ARHGAP28: variants seen among roughly 807,000 people sequenced by gnomAD.
ARHGAP28 encodes rho GTPase-activating protein 28.
In ARHGAP28, 56 loss-of-function variants were observed where a neutral mutation model predicts 90.7. The ratio of observed to expected loss-of-function variants is 0.62; its 90% CI spans 0.50 to 0.77. ARHGAP28 has a LOEUF of 0.77. Ranked by LOEUF, ARHGAP28 falls within the 30% of genes least tolerant of loss-of-function variation. The probability of loss-of-function intolerance (pLI) is 0.00; values close to 1 mark genes in which losing one functional copy is unlikely to be tolerated. For synonymous variants in ARHGAP28, 308 were observed against 323.3 expected (o/e 0.95, Z 0.51); for missense variants, 869 against 900.9 (o/e 0.96, Z 0.45).
chr18:6,885,149 G>A (rs1034366492), intron 11 of ARHGAP28, among the ~76,000 whole-genome samples: 1 of 152,174 alleles, frequency 6.6e-6, no homozygotes, highest in Non-Finnish European at 1.5e-5. Context: ...ACTGAAGGGA[G>A]AGGTTCTGAG....
In ARHGAP28 at chr18:6,851,115, A is replaced by G. The variant is rs1323004649; in HGVS notation, c.625A>G (p.Ser209Gly). The change falls in exon 4 of 18, where the codon AGT becomes GGT. Residue 209 changes from serine to glycine, a missense_variant. Physicochemically the swap from Ser to Gly is moderately conservative, Grantham distance 56. Transcript: ENST00000383472. Reference sequence around the variant, plus strand: ...AGAGCTTCCAAGAGTTATCAAGACAAGTGGTTCCATGGTAAGTTATAGTTG... The same window carrying G: ...AGAGCTTCCAAGAGTTATCAAGACAGGTGGTTCCATGGTAAGTTATAGTTG... ...ERELPRVIKT[S>G]GSMPDDASLN... is the part of the protein sequence containing the mutation. 4 of 1,614,078 alleles carry G rather than the reference A, an allele frequency of 2.5e-6. No homozygotes were observed. The East Asian group carries it at 6.7e-5, about 27-fold the overall frequency.
intron 1 of ARHGAP28, chr18:6,730,217 A>ATT: frequency 1.6e-5 from 2 of 123,820 alleles, no homozygotes; most frequent in Non-Finnish European, 3.1e-5. Context: ...AGGATAAGTC[A>ATT]TGTGTATATA....
intron 1 of ARHGAP28, among the ~76,000 whole-genome samples, chr18:6,806,496 G>A: frequency 6.6e-6 from 1 of 151,872 alleles, no homozygotes; most frequent in East Asian, 1.9e-4. Context: ...AGAGAATAGT[G>A]ATATAGTCAA....
At position 6,803,237 on chromosome 18, in the gene ARHGAP28, T is replaced by C. The variant is rs993295483; in HGVS notation, c.123-21525T>C. Among the ~76,000 whole-genome samples, 70 of 152,312 alleles carry C rather than the reference T, an allele frequency of 4.6e-4. 1 individual carries two copies. Among genetic ancestry groups the C allele is most frequent in the African/African-American group, 1.3e-3 (52 of 41,578 alleles). On this transcript the variant is annotated intron_variant, in intron 1 of 17. Coordinates refer to ENST00000383472, the MANE Select transcript of ARHGAP28 (RefSeq NM_001366230.1). ...TACTGTTTTTCCTAGATTCCCTTTA[T>C]AGGTTGAGGTAGTACCCTTCTATTC...
chr18:6,915,495 C>T lies in ARHGAP28; in HGVS notation c.*3341C>T, dbSNP rs2057417809. ...TTCAAGCATTTTTAACAGTTTTACA[C>T]ACTTACATACACCTTAATTAAAAAT... On this transcript the variant is annotated 3_prime_UTR_variant, in exon 18 of 18. Transcript: ENST00000383472. 1.3e-5 allele frequency: 2 copies of T among 149,790 alleles called. No individual in the cohort carries two copies. Among genetic ancestry groups the T allele is most frequent in the African/African-American group, 4.9e-5 (2 of 40,528 alleles). 9.3% of individuals were successfully genotyped at this position (149,790 alleles called of 1,614,324 possible). A position where few individuals can be genotyped will look rare whatever the true frequency, so the allele number is the denominator to read the frequency against.
rs544089762 is a variant in ARHGAP28 at position 6,834,162 on chromosome 18, T to G, written c.326-3035T>G. Among the ~76,000 whole-genome samples, 163 of 150,230 alleles carry G rather than the reference T, an allele frequency of 1.1e-3. 1 individual carries two copies. Among genetic ancestry groups the G allele is most frequent in the African/African-American group, 3.5e-3 (145 of 41,018 alleles). ...TGGAAGGTGTTGGTGTTAGAGTGAT[T>G]AAAAAAAAAGCAGAATTTTTTTTCT... On this transcript the variant is annotated intron_variant, in intron 2 of 17. Transcript: ENST00000383472.
chr18:6,814,214 A>C (rs2056575494), intron 1 of ARHGAP28, among the ~76,000 whole-genome samples: 1 of 152,134 alleles, frequency 6.6e-6, no homozygotes, highest in African/African-American at 2.4e-5. Flanking sequence ...TTTGTACGGA[A>C]TAGTTTGAAG....
At chr18:6,878,239 G>A (rs1004642278) in intron 10 of ARHGAP28, among the ~76,000 whole-genome samples, 4 of 150,258 alleles carry the variant, frequency 2.7e-5, no homozygotes, top group Admixed American at 1.3e-4. Flanking sequence ...GCAAACTATC[G>A]CAAGGACAAA....
intron 3 of ARHGAP28, among the ~76,000 whole-genome samples, chr18:6,841,224 C>CT (rs2056824396): frequency 8.9e-6 from 1 of 112,506 alleles, no homozygotes; most frequent in Admixed American, 9.8e-5. Context: ...TCTCTCTCTC[C>CT]CCCCAACCCG....
rs536385427 is a variant in ARHGAP28 at position 6,882,393 on chromosome 18, A to G, written c.1453+94A>G. 4 of 1,278,608 alleles carry G rather than the reference A, an allele frequency of 3.1e-6. No individual in the cohort carries two copies. In the African/African-American group the frequency reaches 6.0e-5, roughly 19 times the overall value. The allele number at this position is 1,278,608 out of a possible 1,614,324, so 79.2% of individuals were successfully genotyped here. A position where few individuals can be genotyped will look rare whatever the true frequency, so the allele number is the denominator to read the frequency against. ...TGCTGAATCAAATGTGCTCATGTAT[A>G]GATTTGCTGTGTCCTGACAGTGCTT... On this transcript the variant is annotated intron_variant, in intron 11 of 17. Transcript: ENST00000383472.
chr18:6,817,376 C>G (rs998843571), intron 1 of ARHGAP28, among the ~76,000 whole-genome samples: 3 of 151,966 alleles, frequency 2.0e-5, no homozygotes, highest in Middle Eastern at 3.2e-3. Flanking sequence ...TTGTTAGATG[C>G]CACCCACCTT....
chr18:6,832,050 G>C (rs777223819), intron 2 of ARHGAP28, among the ~76,000 whole-genome samples: 21 of 151,962 alleles, frequency 1.4e-4, no homozygotes, highest in Non-Finnish European at 2.8e-4. Flanking sequence ...GGGTTCTTAA[G>C]ATGGAAACCT....
At chr18:6,760,217 AT>A (rs914815587) in intron 1 of ARHGAP28, among the ~76,000 whole-genome samples, 11 of 152,194 alleles carry the variant, frequency 7.2e-5, no homozygotes, top group Non-Finnish European at 1.5e-4. Flanking sequence ...GTGACAGTAA[AT>A]TTGCAAATAT....
intron 1 of ARHGAP28, among the ~76,000 whole-genome samples, chr18:6,782,399 A>G: frequency 6.6e-6 from 1 of 152,050 alleles, no homozygotes; most frequent in Admixed American, 6.6e-5. Context: ...TCTGTTATAT[A>G]TAATGTCAAG....
intron 5 of ARHGAP28, 66 bp downstream of exon 5, chr18:6,859,963 G>A (rs2143386479): frequency 7.2e-7 from 1 of 1,383,878 alleles, no homozygotes; most frequent in East Asian, 2.3e-5. Flanking sequence ...AACTAATGTA[G>A]GAAGGTAAGA....
intron 1 of ARHGAP28, among the ~76,000 whole-genome samples, chr18:6,735,221 G>A (rs1255331540): frequency 1.3e-5 from 2 of 152,176 alleles, no homozygotes; most frequent in Non-Finnish European, 2.9e-5. Context: ...CTGCTTCTGC[G>A]TAACCTTTAC....
intron 1 of ARHGAP28, among the ~76,000 whole-genome samples, chr18:6,753,981 G>A (rs1201636985): frequency 6.6e-6 from 1 of 152,082 alleles, no homozygotes; most frequent in African/African-American, 2.4e-5. Context: ...TACATCAATA[G>A]CTCTAAAATA....
chr18:6,765,521 T>C (rs539522344), intron 1 of ARHGAP28, among the ~76,000 whole-genome samples: 1 of 152,112 alleles, frequency 6.6e-6, no homozygotes, highest in Non-Finnish European at 1.5e-5. Flanking sequence ...TGGCTCAAGC[T>C]GAGCTATAAA....
intron 7 of ARHGAP28, among the ~76,000 whole-genome samples, chr18:6,871,536 AC>A (rs1294469596): frequency 6.6e-6 from 1 of 151,950 alleles, no homozygotes; most frequent in Non-Finnish European, 1.5e-5. Context: ...ATACTTTGTT[AC>A]CCCCAAAGTC....
Sources: allele counts gnomAD v4.1 joint callset (sites outside exome capture counted in the v4.1 genomes callset), GRCh38; gene constraint gnomAD v4.1.1; transcripts MANE v1.5; gene names NCBI Gene and HGNC (gene_info 2026-07-23, HGNC 2026-07-21).